Variants in MBD2 observed in about 807,000 individuals in gnomAD.
The protein encoded by MBD2 is methyl-CpG binding domain protein 2.
A neutral mutation model predicts 39.3 loss-of-function variants in MBD2; 9 were observed. That is an observed-to-expected ratio of 0.23 (90% CI 0.14 to 0.40). The LOEUF (loss-of-function observed/expected upper bound fraction) is 0.40, where lower values mean the gene tolerates loss of function less well. MBD2 is among the 10% of genes least tolerant of loss of function. The pLI, the probability that MBD2 is intolerant of heterozygous loss-of-function variation, is 1.00. For synonymous variants in MBD2, 233 were observed against 211.1 expected (o/e 1.10, Z -0.90); for missense variants, 458 against 532.6 (o/e 0.86, Z 1.38).
chr18:54,214,003 CTT>C (rs529774043), intron 1 of MBD2, among the ~76,000 whole-genome samples: 21 of 129,282 alleles, frequency 1.6e-4, no homozygotes, highest in Non-Finnish European at 2.2e-4. Context: ...TTCTTTCTTT[CTT>C]TTTTTTTTTT....
chr18:54,171,211 G>A (rs1287720499), intron 3 of MBD2, among the ~76,000 whole-genome samples: 2 of 152,046 alleles, frequency 1.3e-5, no homozygotes, highest in African/African-American at 4.8e-5. Flanking sequence ...AGACCAGCCT[G>A]ACCAAGATGG....
intron 1 of MBD2, among the ~76,000 whole-genome samples, chr18:54,205,720 C>CA (rs1192751229): frequency 6.6e-6 from 1 of 151,966 alleles, no homozygotes; most frequent in Non-Finnish European, 1.5e-5. Context: ...CATGTTGCCA[C>CA]AGCCTATCCC....
intron 1 of MBD2, among the ~76,000 whole-genome samples, chr18:54,218,967 A>C (rs1213652404): frequency 6.6e-6 from 1 of 152,050 alleles, no homozygotes; most frequent in African/African-American, 2.4e-5. Flanking sequence ...GTCTCAAAAA[A>C]AAAAAAAAAA....
rs530834280 is a variant in MBD2, at chr18:54,189,784, G to A, written c.703-773C>T. Among the ~76,000 whole-genome samples, 98 of 152,122 alleles carry A rather than the reference G, an allele frequency of 6.4e-4. 2 individuals carry two copies. In the South Asian group the frequency reaches 0.02, roughly 31 times the overall value. ...CCGACCTCAGCCTCCCGAGTAGCTG[G>A]GACTATAGGCAGTGCCACCAGCAGG... is the stretch of plus-strand genomic sequence containing the variant. On this transcript the variant is annotated intron_variant, in intron 2 of 6. Coordinates refer to ENST00000256429, the MANE Select transcript of MBD2 (RefSeq NM_003927.5).
chr18:54,161,458 A>G (rs531804528), intron 5 of MBD2, among the ~76,000 whole-genome samples: 1 of 152,226 alleles, frequency 6.6e-6, no homozygotes, highest in Non-Finnish European at 1.5e-5. Context: ...CCTCTGGGTC[A>G]GTGACTCAAA....
intron 1 of MBD2, among the ~76,000 whole-genome samples, chr18:54,207,719 T>C (rs2086461617): frequency 6.6e-6 from 1 of 152,188 alleles, no homozygotes; most frequent in South Asian, 2.1e-4. Flanking sequence ...ATTAGTAACA[T>C]TACTCTGCCA....
At chr18:54,200,262 T>C (rs560217793) in intron 2 of MBD2, among the ~76,000 whole-genome samples, 2 of 152,310 alleles carry the variant, frequency 1.3e-5, no homozygotes, top group African/African-American at 2.4e-5. Flanking sequence ...ATTTGTTCCA[T>C]ACCATATTCA....
chr18:54,189,118 C>T (rs2086302243), intron 2 of MBD2, 107 bp from the exon 3 acceptor site: 2 of 703,872 alleles, frequency 2.8e-6, no homozygotes, highest in Non-Finnish European at 4.3e-6. Context: ...TTCCAAACTT[C>T]TCAGTCTATC....
intron 2 of MBD2, among the ~76,000 whole-genome samples, chr18:54,202,344 A>C (rs1238449871): frequency 6.6e-6 from 1 of 152,128 alleles, no homozygotes; most frequent in African/African-American, 2.4e-5. Context: ...AAACAAAACA[A>C]ACACAATAAT....
At chr18:54,177,914 G>A (rs2086224244) in intron 3 of MBD2, among the ~76,000 whole-genome samples, 1 of 132,802 alleles carries the variant, frequency 7.5e-6, no homozygotes, top group Non-Finnish European at 1.5e-5. Flanking sequence ...ATCATAGCTC[G>A]CTGCAACCTG....
intron 1 of MBD2, among the ~76,000 whole-genome samples, chr18:54,211,240 C>T (rs573285): frequency 0.038 from 5,799 of 151,994 alleles, 354 homozygotes; most frequent in African/African-American, 0.13. Context: ...AAGTATTCAA[C>T]GAAACATTTC....
chr18:54,205,840 T>G (rs369266311), intron 1 of MBD2, among the ~76,000 whole-genome samples: 4 of 152,202 alleles, frequency 2.6e-5, no homozygotes, highest in Middle Eastern at 3.4e-3. Flanking sequence ...CAAATTGATT[T>G]TGAAATGCTT....
At chr18:54,185,856 A>C (rs889730788) in intron 3 of MBD2, among the ~76,000 whole-genome samples, 2 of 152,126 alleles carry the variant, frequency 1.3e-5, no homozygotes, top group Non-Finnish European at 2.9e-5. Flanking sequence ...CACTACCTTA[A>C]AATTTTAATT....
intron 5 of MBD2, among the ~76,000 whole-genome samples, chr18:54,161,715 T>C (rs2086099561): frequency 6.6e-6 from 1 of 152,246 alleles, no homozygotes; most frequent in Non-Finnish European, 1.5e-5. Flanking sequence ...CCCATTGCTG[T>C]AGGCAGAATT....
chr18:54,180,897 C>CTTTTTT lies in MBD2; in HGVS notation c.840+7976_840+7977insAAAAAA, dbSNP rs1211071727. On this transcript the variant is annotated intron_variant, in intron 3 of 6. Transcript: ENST00000256429. ...CAGCCTATGTATTCCTTAATTTTTT[C>CTTTTTT]TTTTTCTTTTTTTTTTTTTTTTTTT... Among the ~76,000 whole-genome samples, 68 of 105,354 alleles carry CTTTTTT rather than the reference C, an allele frequency of 6.5e-4. 5 individuals are homozygous for CTTTTTT. Among genetic ancestry groups the CTTTTTT allele is most frequent in the African/African-American group, 8.5e-4 (22 of 25,820 alleles). 69.1% of individuals were successfully genotyped at this position (105,354 alleles called of 152,430 possible).
intron 3 of MBD2, among the ~76,000 whole-genome samples, chr18:54,172,365 AAG>A (rs1212071692): frequency 6.6e-6 from 1 of 152,220 alleles, no homozygotes; most frequent in Non-Finnish European, 1.5e-5. Context: ...ATAGAAATTA[AAG>A]AGACCCCACT....
chr18:54,189,096 T>C, intron 2 of MBD2, 85 bp from the exon 3 acceptor site: 1 of 874,508 alleles, frequency 1.1e-6, no homozygotes, highest in Non-Finnish European at 1.7e-6. Context: ...TCTATTACTT[T>C]AAATCAAATT....
intron 1 of MBD2, among the ~76,000 whole-genome samples, chr18:54,223,671 G>A (rs1280163487): frequency 1.3e-5 from 2 of 152,190 alleles, no homozygotes; most frequent in African/African-American, 4.8e-5. Flanking sequence ...GGGACAGGCT[G>A]GGACAGGAGC....
chr18:54,188,444 G>C (rs1442175989), intron 3 of MBD2, among the ~76,000 whole-genome samples: 1 of 152,182 alleles, frequency 6.6e-6, no homozygotes, highest in Non-Finnish European at 1.5e-5. Flanking sequence ...TTTTTCAAAA[G>C]GGGTGGGACA....
Sources: gnomAD v4.1 joint callset for allele counts (sites outside exome capture counted in the v4.1 genomes callset) on GRCh38, gnomAD v4.1.1 for gene constraint, MANE v1.5 for transcripts, NCBI Gene and HGNC (gene_info 2026-07-23, HGNC 2026-07-21) for gene names.